DNMT1: variants seen among roughly 807,000 people sequenced by gnomAD.
DNMT1 encodes DNA (cytosine-5)-methyltransferase 1.
In DNMT1, 24 loss-of-function variants were observed where a neutral mutation model predicts 205.3. The ratio of observed to expected loss-of-function variants is 0.12; its 90% CI spans 0.08 to 0.16. DNMT1 has a LOEUF of 0.16. DNMT1 is among the 10% of genes least tolerant of loss of function. The pLI is 1.00. For synonymous variants in DNMT1, 817 were observed against 839.8 expected, an observed-to-expected ratio of 0.97 and a Z score of 0.47; for missense variants, 1,293 against 2,177.7, an observed-to-expected ratio of 0.59 and a Z score of 8.09.
chr19:10,146,449 G>A lies in DNMT1; in HGVS notation c.2796C>T (p.Asp932=). Residue 932 remains aspartate (D), a synonymous_variant, in exon 28 of 41, where the codon GAC becomes GAT. Coordinates refer to ENST00000359526, the MANE Select transcript of DNMT1 (RefSeq NM_001130823.3). This position sits in a 1 kb window ranked among gnomAD's most constrained non-coding sequence, Gnocchi z 4.4. ...AGTAGTAGAGGACCCGGCTATCCAGGTCCTCGAGCTGCTCCAGGACCCTGG... is the reference window on the plus strand; with the variant it reads ...AGTAGTAGAGGACCCGGCTATCCAGATCCTCGAGCTGCTCCAGGACCCTGG... ...EIPRVLEQLE[D]LDSRVLYYSA... 1 of 1,614,134 alleles carries A rather than the reference G, an allele frequency of 6.2e-7. No individual in the cohort carries two copies. The highest frequency in any genetic ancestry group is 8.5e-7 in the Non-Finnish European group (1 of 1,180,030).
In DNMT1 at chr19:10,151,635, A is replaced by G. The variant is rs751053556; in HGVS notation, c.2118-90T>C. The G allele has an allele frequency of 6.2e-7, 1 of 1,609,794 alleles. No individual in the cohort carries two copies. Among genetic ancestry groups the G allele is most frequent in the Non-Finnish European group, 8.5e-7 (1 of 1,177,964 alleles). ...TCATAACAGGGACAGGTCCTGAGACAATGCCTAACGAAGGAATCCTGGTGC... is the reference window on the plus strand; with the variant it reads ...TCATAACAGGGACAGGTCCTGAGACGATGCCTAACGAAGGAATCCTGGTGC... On this transcript the variant is annotated intron_variant, in intron 23 of 40. Transcript: ENST00000359526. This position sits in a 1 kb window ranked among gnomAD's most constrained non-coding sequence, Gnocchi z 5.0.
intron 12 of DNMT1, chr19:10,163,115 C>T (rs925337864): frequency 2.4e-5 from 15 of 626,926 alleles, no homozygotes; most frequent in African/African-American, 3.7e-5. Flanking sequence ...GCACCCGCCA[C>T]CACACCCAGC....
chr19:10,154,531 A>T lies in DNMT1; in HGVS notation c.1833-52T>A, dbSNP rs762747841. 5.6e-6 allele frequency: 9 copies of T among 1,613,938 alleles called. No individual in the cohort carries two copies. Among genetic ancestry groups the T allele is most frequent in the Non-Finnish European group, 7.6e-6 (9 of 1,180,022 alleles). On this transcript the variant is annotated intron_variant, in intron 21 of 40. Coordinates refer to ENST00000359526, the MANE Select transcript of DNMT1 (RefSeq NM_001130823.3). This position sits in a 1 kb window ranked among gnomAD's most constrained non-coding sequence, Gnocchi z 6.3. ...AGGACTGGGACAGAGGATGTGGGCC[A>T]TGCTCTACCCTCCCCGGTCTCCAGT... is the stretch of plus-strand genomic sequence containing the variant.
intron 6 of DNMT1, 80 bp downstream of exon 6, chr19:10,177,212 T>C: frequency 1.6e-6 from 2 of 1,280,430 alleles, no homozygotes; most frequent in Admixed American, 3.4e-5. Context: ...AAGACAGAAT[T>C]GCCACGTGAC....
intron 22 of DNMT1, among the ~76,000 whole-genome samples, chr19:10,152,459 C>A (rs1479965657): frequency 1.3e-5 from 2 of 151,604 alleles, no homozygotes; most frequent in Admixed American, 1.3e-4. Flanking sequence ...AGACCCCCAA[C>A]TCTACAAAAA....
At chr19:10,170,111 CCT>C (rs1462361990) in intron 9 of DNMT1, among the ~76,000 whole-genome samples, 1 of 151,744 alleles carries the variant, frequency 6.6e-6, no homozygotes, top group African/African-American at 2.4e-5. Flanking sequence ...ACGGCAAAAC[CCT>C]GTCTCTACTA....
At chr19:10,186,744 A>G (rs1441087919) in intron 1 of DNMT1, among the ~76,000 whole-genome samples, 1 of 150,292 alleles carries the variant, frequency 6.7e-6, no homozygotes, top group Non-Finnish European at 1.5e-5. Flanking sequence ...AGGCTGAGGC[A>G]GGAGAATCGC....
Position 10,177,325 on chromosome 19 carries a change from C to T in DNMT1, c.536G>A (p.Arg179Lys). Reference sequence around the variant, plus strand: ...AAAATGAGATGTGATGGTGGTTTGCCTGGTGCTTTTCCTTGTAATCCTGGG... The same window carrying T: ...AAAATGAGATGTGATGGTGGTTTGCTTGGTGCTTTTCCTTGTAATCCTGGG... ...PSPRITRKST[R>K]QTTITSHFAK... Residue 179 changes from arginine to lysine, a missense_variant, in exon 6 of 41, where the codon AGG becomes AAG. Around this residue, in one of 13 missense-constraint regions of DNMT1, gnomAD observed 394 missense variants for 451.6 expected, o/e 0.87. Transcript: ENST00000359526. 6.2e-7 allele frequency: 1 copy of T among 1,613,664 alleles called. No homozygotes were observed. The highest frequency in any genetic ancestry group is 1.1e-5 in the South Asian group (1 of 91,068).
intron 22 of DNMT1, among the ~76,000 whole-genome samples, chr19:10,152,498 T>C (rs999848972): frequency 6.6e-6 from 1 of 151,890 alleles, no homozygotes; most frequent in Non-Finnish European, 1.5e-5. Context: ...TGTGACAAAT[T>C]CCTGCAGTCC....
intron 1 of DNMT1, 78 bp from the exon 2 acceptor site, chr19:10,182,155 AAAG>A: frequency 6.7e-7 from 1 of 1,491,016 alleles, no homozygotes; most frequent in East Asian, 2.3e-5. Flanking sequence ...TCACAGTTCT[AAAG>A]AAGTTTTGGA....
intron 26 of DNMT1, 115 bp downstream of exon 26, chr19:10,149,338 A>AAAC: frequency 7.2e-7 from 1 of 1,385,096 alleles, no homozygotes; most frequent in African/African-American, 1.5e-5. Context: ...AACAAAAAAA[A>AAAC]AAACAAAAAA....
intron 12 of DNMT1, 121 bp from the exon 13 acceptor site, chr19:10,162,869 C>A: frequency 9.5e-7 from 1 of 1,053,420 alleles, no homozygotes. Context: ...CATGGGAGCT[C>A]TATAGGCACA....
At chr19:10,135,951 G>C (rs1368029838) in intron 38 of DNMT1, 99 bp from the exon 39 acceptor site, 1 of 1,486,688 alleles carries the variant, frequency 6.7e-7, no homozygotes, top group African/African-American at 1.4e-5. Flanking sequence ...ATACGGCCAT[G>C]GCCTTGGCCT....
chr19:10,137,980 G>A lies in DNMT1; in HGVS notation c.4145C>T (p.Thr1382Met). The change falls in exon 36 of 41, where the codon ACG becomes ATG. Residue 1382 changes from threonine to methionine, a missense_variant. This residue lies in a region of DNMT1 where 148 missense variants were observed against 256.1 expected (regional missense o/e 0.58). Transcript: ENST00000359526. The surrounding 1 kb of genome is among the most constrained non-coding windows in gnomAD (Gnocchi z 6.4). ...CAGGTCGGACATCGTGTCTCGCACC[G>A]TGATGGTCCGGAAAGGACCCGAGCT... Reference protein sequence around the residue: ...RLSSGPFRTITVRDTMSDLPE... With the variant: ...RLSSGPFRTIMVRDTMSDLPE... 1.2e-6 allele frequency: 2 copies of A among 1,611,596 alleles called. No individual in the cohort carries two copies. The highest frequency in any genetic ancestry group is 8.5e-7 in the Non-Finnish European group (1 of 1,179,176).
rs1417040136 is a variant in DNMT1, at chr19:10,173,740, T to C, written c.683+131A>G. The C allele has an allele frequency of 6.4e-6, 6 of 944,788 alleles. 1 individual carries two copies. The East Asian group carries it at 1.0e-4, about 16-fold the overall frequency. The allele number at this position is 944,788 out of a possible 1,614,324, so 58.5% of individuals were successfully genotyped here. On this transcript the variant is annotated intron_variant, in intron 8 of 40. Coordinates refer to ENST00000359526, the MANE Select transcript of DNMT1 (RefSeq NM_001130823.3). ...CTCCTGACCTCAAGTGATTCGCCCA[T>C]CTTGGCCTCCCAAAGTGCTGAGATT...
intron 9 of DNMT1, among the ~76,000 whole-genome samples, chr19:10,171,752 C>T (rs899973861): frequency 1.6e-4 from 24 of 151,762 alleles, no homozygotes; most frequent in African/African-American, 5.8e-4. Context: ...TTGCAGTGAG[C>T]GGAGATCAAG....
intron 28 of DNMT1, chr19:10,144,430 T>C (rs2089659681): frequency 8.3e-6 from 2 of 241,188 alleles, no homozygotes; most frequent in African/African-American, 2.3e-5. Context: ...AAAAAAGATT[T>C]AGCTGCAGAT....
intron 31 of DNMT1, 63 bp downstream of exon 31, chr19:10,141,042 A>G (rs1010216337): frequency 1.2e-6 from 2 of 1,613,040 alleles, no homozygotes; most frequent in Non-Finnish European, 8.5e-7. Flanking sequence ...ACACTGAGGG[A>G]TTCACAGGCA....
In DNMT1 at chr19:10,137,273, C is replaced by T; in HGVS notation, c.4301G>A (p.Ser1434Asn). ...ILRDHICKDM[S>N]ALVAARMRHI... is the part of the protein sequence containing the mutation. Reference sequence around the variant, plus strand: ...CCGCATGCGGGCAGCCACCAATGCACTCATGTCCTGAAAGAGTGTGGGGGG... The same window carrying T: ...CCGCATGCGGGCAGCCACCAATGCATTCATGTCCTGAAAGAGTGTGGGGGG... Residue 1434 changes from serine (S) to asparagine (N), a missense_variant, in exon 37 of 41, where the codon AGT becomes AAT. Physicochemically the swap from Ser to Asn is conservative, Grantham distance 46. Around this residue, in one of 13 missense-constraint regions of DNMT1, gnomAD observed 148 missense variants for 256.1 expected, o/e 0.58. Transcript: ENST00000359526. This position sits in a 1 kb window ranked among gnomAD's most constrained non-coding sequence, Gnocchi z 6.4. The T allele has an allele frequency of 6.2e-7, 1 of 1,607,070 alleles. No homozygotes were observed. The highest frequency in any genetic ancestry group is 1.1e-5 in the South Asian group (1 of 89,892).
Sources: gnomAD v4.1 joint callset for allele counts (sites outside exome capture counted in the v4.1 genomes callset) on GRCh38, gnomAD v4.1.1 for gene constraint, gnomAD v4.1.1 regional missense constraint, Gnocchi (gnomAD v3.1) non-coding constraint, MANE v1.5 for transcripts, NCBI Gene and HGNC (gene_info 2026-07-23, HGNC 2026-07-21) for gene names.